The following DRC9 variants were observed in gnomAD, a reference collection of about 807,000 sequenced individuals.
DRC9 encodes the protein dynein regulatory complex protein 9.
the DRC9 span, among the ~76,000 whole-genome samples, chr3:197,911,583 A>G: frequency 6.6e-6 from 1 of 152,246 alleles, no homozygotes; most frequent in Non-Finnish European, 1.5e-5. Flanking sequence ...AAAAGCAATG[A>G]GTAATTTTAA....
At chr3:197,955,510 C>T in the DRC9 span, among the ~76,000 whole-genome samples, 1 of 152,114 alleles carries the variant, frequency 6.6e-6, no homozygotes, top group Non-Finnish European at 1.5e-5. Context: ...GATCTGCCCG[C>T]CTAGGCCTCC....
chr3:197,926,559 G>A, the DRC9 span, among the ~76,000 whole-genome samples: 2 of 152,134 alleles, frequency 1.3e-5, no homozygotes, highest in African/African-American at 4.8e-5. Flanking sequence ...TGTGCTGGAT[G>A]TGAGAATGTG....
At chr3:197,925,566 C>T in the DRC9 span, among the ~76,000 whole-genome samples, 1 of 148,910 alleles carries the variant, frequency 6.7e-6, no homozygotes, top group Non-Finnish European at 1.5e-5. Flanking sequence ...CAGCTCTCTA[C>T]TTGCTATCTT....
chr3:197,953,702 T>C, the DRC9 span: 1 of 459,140 alleles, frequency 2.2e-6, no homozygotes, highest in Non-Finnish European at 4.0e-6. Context: ...CTCACACTTG[T>C]CCTTTTTTGC....
the DRC9 span, chr3:197,951,285 A>G: frequency 1.9e-6 from 3 of 1,613,972 alleles, no homozygotes; most frequent in African/African-American, 4.0e-5. Context: ...TGGGCAAGAG[A>G]TGCGCTTATG....
the DRC9 span, chr3:197,932,053 C>T: frequency 5.6e-6 from 6 of 1,073,536 alleles, no homozygotes; most frequent in Non-Finnish European, 8.1e-6. Context: ...CAAATTCTGA[C>T]TTCTAGTTAT....
the DRC9 span, among the ~76,000 whole-genome samples, chr3:197,932,845 A>ATACATAATATACATTATATATG: frequency 1.5e-5 from 2 of 131,968 alleles, no homozygotes; most frequent in Non-Finnish European, 1.6e-5. Flanking sequence ...TATGTATTAT[A>ATACATAATATACATTATATATG]TATAATATAC....
the DRC9 span, among the ~76,000 whole-genome samples, chr3:197,927,935 C>T: frequency 7.1e-6 from 1 of 140,580 alleles, no homozygotes; most frequent in African/African-American, 2.7e-5. Flanking sequence ...GGGAGGGGAA[C>T]ATCACACACT....
chr3:197,928,438 T>C, the DRC9 span, among the ~76,000 whole-genome samples: 1 of 149,758 alleles, frequency 6.7e-6, no homozygotes, highest in African/African-American at 2.5e-5. Flanking sequence ...AACCTCCACC[T>C]CTCGGGTTCA....
chr3:197,932,631 C>CAATAAATAAATA, the DRC9 span, among the ~76,000 whole-genome samples: 107 of 143,028 alleles, frequency 7.5e-4, no homozygotes, highest in African/African-American at 2.3e-3. Flanking sequence ...GACTCCGTCT[C>CAATAAATAAATA]AATAAATAAA....
At chr3:197,892,601 CAGTG>C in the DRC9 span, 6 of 1,612,278 alleles carry the variant, frequency 3.7e-6, no homozygotes, top group South Asian at 2.2e-5. Context: ...ACTCTGTCCT[CAGTG>C]AGCGCCCTAA....
chr3:197,914,057 C>A, the DRC9 span: 4 of 1,611,162 alleles, frequency 2.5e-6, no homozygotes, highest in Non-Finnish European at 3.4e-6. Flanking sequence ...AGTGGAAAGA[C>A]CAGGTTTCTA....
the DRC9 span, among the ~76,000 whole-genome samples, chr3:197,935,438 C>CAAAA: frequency 3.0e-4 from 37 of 123,330 alleles, no homozygotes; most frequent in African/African-American, 1.4e-3. Flanking sequence ...GACTCTGTCT[C>CAAAA]CAAAAAAAAA....
At chr3:197,959,924 A>T in the DRC9 span, 1 of 467,088 alleles carries the variant, frequency 2.1e-6, no homozygotes, top group Non-Finnish European at 3.9e-6. Flanking sequence ...TAGTAGGTGC[A>T]TGTCACTTTG....
chr3:197,950,112 C>A, the DRC9 span: 7 of 1,231,128 alleles, frequency 5.7e-6, no homozygotes, highest in African/African-American at 4.6e-5. Context: ...GTTTTTCTGG[C>A]GTTTGGAGAA....
At chr3:197,947,928 CTTTTTTTTTTTTT>C in the DRC9 span, among the ~76,000 whole-genome samples, 3 of 96,770 alleles carry the variant, frequency 3.1e-5, no homozygotes, top group African/African-American at 1.3e-4. Context: ...CCTGCTTTAC[CTTTTTTTTTTTTT>C]TTTTTTTTTT....
At chr3:197,921,129 CTG>C in the DRC9 span, among the ~76,000 whole-genome samples, 1 of 133,066 alleles carries the variant, frequency 7.5e-6, no homozygotes, top group African/African-American at 3.3e-5. Flanking sequence ...GACCCGACTA[CTG>C]GTTTTCAGTA....
At chr3:197,926,566 T>C in the DRC9 span, among the ~76,000 whole-genome samples, 1 of 152,182 alleles carries the variant, frequency 6.6e-6, no homozygotes, top group South Asian at 2.1e-4. Context: ...GATGTGAGAA[T>C]GTGCCTCACC....
At chr3:197,934,310 G>A in the DRC9 span, among the ~76,000 whole-genome samples, 5 of 149,796 alleles carry the variant, frequency 3.3e-5, no homozygotes, top group Admixed American at 1.3e-4. Flanking sequence ...TCAGCCTCCC[G>A]AGGAGCTGGG....
Sources: gnomAD v4.1 joint callset for allele counts (sites outside exome capture counted in the v4.1 genomes callset) on GRCh38, gnomAD v4.1.1 for gene constraint, MANE v1.5 for transcripts, NCBI Gene and HGNC (gene_info 2026-07-23, HGNC 2026-07-21) for gene names.